The following SPTAN1 variants were observed in gnomAD, a reference collection of about 807,000 sequenced individuals.
SPTAN1 encodes the protein spectrin alpha, non-erythrocytic 1, also known as spectrin alpha chain, non-erythrocytic 1.
SPTAN1 carries 61 observed loss-of-function variants against 331.3 expected under a neutral mutation model. The ratio of observed to expected loss-of-function variants is 0.18; its 90% CI spans 0.15 to 0.23. The LOEUF (loss-of-function observed/expected upper bound fraction) is 0.23, where lower values mean the gene tolerates loss of function less well. Among genes scored for constraint, SPTAN1 ranks in the 10% least tolerant of loss-of-function variants. The pLI, the probability that SPTAN1 is intolerant of heterozygous loss-of-function variation, is 1.00. For missense variants in SPTAN1, 2,043 were observed against 3,147.9 expected (o/e 0.65, Z 8.40); for synonymous variants, 1,153 against 1,173.9 (o/e 0.98, Z 0.36).
rs1859425206 is a variant in SPTAN1, at chr9:128,629,966, G to A, written c.6708-355G>A. On this transcript the variant is annotated intron_variant, in intron 51 of 56. Coordinates refer to ENST00000372739, the MANE Select transcript of SPTAN1 (RefSeq NM_001130438.3). This position sits in a 1 kb window ranked among gnomAD's most constrained non-coding sequence, Gnocchi z 4.9. ...TCCTGTCTGTCAGGTGTCAGGGTGT[G>A]CCATCCCCCACATGGCTGCAGAGAG... The A allele has an allele frequency of 2.5e-6, 1 of 392,202 alleles. No individual in the cohort carries two copies. The highest frequency in any genetic ancestry group is 4.9e-6 in the Non-Finnish European group (1 of 202,232). 24.3% of individuals were successfully genotyped at this position (392,202 alleles called of 1,614,324 possible). A position where few individuals can be genotyped will look rare whatever the true frequency, so the allele number is the denominator to read the frequency against.
At chr9:128,570,886 C>T (rs1244644666) in intron 3 of SPTAN1, among the ~76,000 whole-genome samples, 1 of 151,964 alleles carries the variant, frequency 6.6e-6, no homozygotes, top group African/African-American at 2.4e-5. Context: ...GTCTCAAACT[C>T]CCAACCTCAG....
At position 128,616,706 on chromosome 9, in the gene SPTAN1, G is replaced by T. The variant is rs547447240; in HGVS notation, c.5357+866G>T. ...CGCTTGAACCAGGGAGGCGGAGGTT[G>T]CAATGAGCCAAGATCGCACCACTGT... On this transcript the variant is annotated intron_variant, in intron 41 of 56. Coordinates refer to ENST00000372739, the MANE Select transcript of SPTAN1 (RefSeq NM_001130438.3). Among the ~76,000 whole-genome samples, 13 of 151,910 alleles carry T rather than the reference G, an allele frequency of 8.6e-5. No homozygotes were observed. The East Asian group carries it at 2.0e-3, about 23-fold the overall frequency.
chr9:128,631,817 C>T, intron 52 of SPTAN1: 1 of 380,044 alleles, frequency 2.6e-6, no homozygotes, highest in Non-Finnish European at 4.9e-6. Flanking sequence ...GACTCCATCT[C>T]AAAAAAATTT....
chr9:128,556,057 T>C lies in SPTAN1; in HGVS notation c.-4+3361T>C, dbSNP rs185139756. On this transcript the variant is annotated intron_variant, in intron 1 of 56. Transcript: ENST00000372739. Reference sequence around the variant, plus strand: ...CAACATAGTGAAACCCCATCTCTACTAAAAATACAAAAAATTAGCCGGGTG... The same window carrying C: ...CAACATAGTGAAACCCCATCTCTACCAAAAATACAAAAAATTAGCCGGGTG... Among the ~76,000 whole-genome samples, 361 of 152,078 alleles carry C rather than the reference T, an allele frequency of 2.4e-3. 3 individuals carry two copies. Among genetic ancestry groups the C allele is most frequent in the Non-Finnish European group, 3.6e-3 (247 of 67,974 alleles).
intron 1 of SPTAN1, chr9:128,553,200 C>T (rs1310695413): frequency 6.6e-6 from 1 of 152,298 alleles, no homozygotes; most frequent in Non-Finnish European, 1.5e-5. Flanking sequence ...CCCGGGGAGC[C>T]CGAGCATAGC....
intron 1 of SPTAN1, among the ~76,000 whole-genome samples, chr9:128,560,759 T>G (rs1044089711): frequency 5.9e-5 from 9 of 151,664 alleles, no homozygotes; most frequent in African/African-American, 2.2e-4. Context: ...GTGGCTCACG[T>G]CTGTAATCCC....
chr9:128,600,153 T>A, intron 27 of SPTAN1, 38 bp downstream of exon 27: 1 of 1,607,314 alleles, frequency 6.2e-7, no homozygotes, highest in East Asian at 2.2e-5. Context: ...TTCAAGAGTT[T>A]TGCGAGATCA....
At chr9:128,615,533 C>T in intron 40 of SPTAN1, 99 bp from the exon 41 acceptor site, 1 of 1,249,514 alleles carries the variant, frequency 8.0e-7, no homozygotes, top group Non-Finnish European at 1.2e-6. Context: ...TTGAGAATAT[C>T]AACACTCCAC....
chr9:128,618,879 G>A lies in SPTAN1; in HGVS notation c.5609G>A (p.Arg1870Gln), dbSNP rs1857510980. ...CTGTCTCCTGTAATTAGGGGTCAGC[G>A]GCTGGAAGAGTCCTTGGAATATCAG... ...LKQLAAARGQ[R>Q]LEESLEYQQF... The change falls in exon 44 of 57, where the codon CGG (arginine) becomes CAG (glutamine). Residue 1870 changes from arginine (R) to glutamine (Q), a missense_variant. By Grantham distance (43) the Arg-to-Gln change is conservative. This residue lies in a region of SPTAN1 where 323 missense variants were observed against 581.1 expected (regional missense o/e 0.56). Coordinates refer to ENST00000372739, the MANE Select transcript of SPTAN1 (RefSeq NM_001130438.3). The A allele has an allele frequency of 1.9e-6, 3 of 1,614,154 alleles. No homozygotes were observed. The highest frequency in any genetic ancestry group is 1.1e-5 in the South Asian group (1 of 91,076).
intron 52 of SPTAN1, 133 bp from the exon 53 acceptor site, chr9:128,631,994 A>T: frequency 1.2e-6 from 1 of 836,868 alleles, no homozygotes; most frequent in Non-Finnish European, 1.9e-6. Context: ...CACTATTCCT[A>T]TTCTAGAATG....
intron 31 of SPTAN1, among the ~76,000 whole-genome samples, chr9:128,606,074 A>G (rs1244696847): frequency 6.6e-6 from 1 of 152,112 alleles, no homozygotes; most frequent in Non-Finnish European, 1.5e-5. Context: ...CCATATTGTT[A>G]AAAATAAGTC....
chr9:128,578,364 C>T (rs1851545573), intron 9 of SPTAN1, 119 bp downstream of exon 9: 12 of 1,322,168 alleles, frequency 9.1e-6, no homozygotes, highest in Non-Finnish European at 1.2e-5. Flanking sequence ...AGGTGTTTCT[C>T]ATCATGAGGA....
intron 29 of SPTAN1, among the ~76,000 whole-genome samples, chr9:128,604,677 A>G (rs776623472): frequency 6.6e-6 from 1 of 152,224 alleles, no homozygotes; most frequent in Admixed American, 6.5e-5. Context: ...CATGCCTGTA[A>G]TCCCAGCACT....
At chr9:128,555,006 T>G (rs1159931292) in intron 1 of SPTAN1, among the ~76,000 whole-genome samples, 1 of 152,240 alleles carries the variant, frequency 6.6e-6, no homozygotes, top group African/African-American at 2.4e-5. Flanking sequence ...CATCTTGTCC[T>G]GGGATCCTCA....
At chr9:128,562,377 A>G (rs1018510923) in intron 1 of SPTAN1, among the ~76,000 whole-genome samples, 1 of 152,000 alleles carries the variant, frequency 6.6e-6, no homozygotes, top group Non-Finnish European at 1.5e-5. Flanking sequence ...CTGGGATTAC[A>G]GGCGTGAGCC....
intron 39 of SPTAN1, among the ~76,000 whole-genome samples, chr9:128,613,149 A>C (rs1250080891): frequency 6.6e-6 from 1 of 152,128 alleles, no homozygotes; most frequent in Non-Finnish European, 1.5e-5. Context: ...CCTTAGCTGT[A>C]GTATTTACTA....
chr9:128,626,720 G>A, intron 49 of SPTAN1, 33 bp downstream of exon 49: 3 of 1,570,970 alleles, frequency 1.9e-6, no homozygotes, highest in Non-Finnish European at 2.6e-6. Flanking sequence ...GAGCTGCTCG[G>A]CCTCCCAGAG....
chr9:128,595,071 A>G (rs933582793), intron 24 of SPTAN1, among the ~76,000 whole-genome samples: 1 of 151,578 alleles, frequency 6.6e-6, no homozygotes, highest in African/African-American at 2.4e-5. Context: ...CAGCCTCCCA[A>G]AGTACTGGGA....
chr9:128,562,895 G>A (rs915190312), intron 1 of SPTAN1, among the ~76,000 whole-genome samples: 2 of 150,324 alleles, frequency 1.3e-5, no homozygotes, highest in South Asian at 4.2e-4. Flanking sequence ...AACCCAGGAG[G>A]TGGAGCTTGC....
Sources: allele counts gnomAD v4.1 joint callset (sites outside exome capture counted in the v4.1 genomes callset), GRCh38; gene constraint gnomAD v4.1.1; regional missense constraint gnomAD v4.1.1; non-coding constraint Gnocchi (gnomAD v3.1); transcripts MANE v1.5; gene names NCBI Gene and HGNC (gene_info 2026-07-23, HGNC 2026-07-21).